The following RAP1A variants were observed in gnomAD, a reference collection of about 807,000 sequenced individuals.
RAP1A encodes ras-related protein Rap-1A.
Under a neutral mutation model 26.4 loss-of-function variants are expected in RAP1A, and 6 were observed. The observed-to-expected ratio is 0.23, with a 90% CI of 0.12 to 0.45. The LOEUF (loss-of-function observed/expected upper bound fraction) is 0.45. RAP1A is among the 20% of genes least tolerant of loss of function. The pLI, the probability that RAP1A is intolerant of heterozygous loss-of-function variation, is 0.99. For synonymous variants in RAP1A, 73 were observed against 79.4 expected, an observed-to-expected ratio of 0.92 and a Z score of 0.43; for missense variants, 121 against 217.2, an observed-to-expected ratio of 0.56 and a Z score of 2.78.
chr1:111,544,593 T>G (rs1656968790), intron 1 of RAP1A, among the ~76,000 whole-genome samples: 1 of 152,196 alleles, frequency 6.6e-6, no homozygotes, highest in African/African-American at 2.4e-5. Flanking sequence ...ATTTTGTTTA[T>G]CCCCTTATCA....
chr1:111,557,145 G>C (rs2101042649), intron 1 of RAP1A, among the ~76,000 whole-genome samples: 1 of 152,274 alleles, frequency 6.6e-6, no homozygotes, highest in South Asian at 2.1e-4. Context: ...ATGATATTTA[G>C]ACTGACAACT....
At chr1:111,619,653 G>T, upstream of RAP1A, 3 of 390,756 alleles carry the variant, frequency 7.7e-6, no homozygotes, top group Non-Finnish European at 1.4e-5. Context: ...CAGTGTGCGC[G>T]GCTCCTTTAA....
chr1:111,705,288 A>G (rs1041144850), intron 6 of RAP1A, among the ~76,000 whole-genome samples: 5 of 152,220 alleles, frequency 3.3e-5, no homozygotes, highest in East Asian at 1.9e-4. Flanking sequence ...CATTTGTAGC[A>G]TTACAGGTAA....
chr1:111,634,452 A>C (rs966588904), intron 1 of RAP1A, among the ~76,000 whole-genome samples: 1 of 151,204 alleles, frequency 6.6e-6, no homozygotes, highest in Non-Finnish European at 1.5e-5. Flanking sequence ...CATATGTAGA[A>C]TATAGGCTAA....
At chr1:111,603,652 G>C (rs914921630) in intron 1 of RAP1A, among the ~76,000 whole-genome samples, 2 of 152,188 alleles carry the variant, frequency 1.3e-5, no homozygotes, top group Non-Finnish European at 2.9e-5. Context: ...TTCGGGGCAT[G>C]ACCAGTTGTG....
chr1:111,695,450 C>T, intron 3 of RAP1A, 41 bp downstream of exon 3: 1 of 1,343,488 alleles, frequency 7.4e-7, no homozygotes, highest in Non-Finnish European at 1.0e-6. Context: ...ACAAGTAGTT[C>T]CTTATGATGT....
chr1:111,560,795 T>A (rs1379061217), intron 1 of RAP1A, among the ~76,000 whole-genome samples: 1 of 152,002 alleles, frequency 6.6e-6, no homozygotes, highest in East Asian at 1.9e-4. Context: ...CCTGGCTGGG[T>A]AAATAGTTCT....
intron 1 of RAP1A, among the ~76,000 whole-genome samples, chr1:111,675,507 C>T (rs1661101573): frequency 6.6e-6 from 1 of 152,078 alleles, no homozygotes; most frequent in Non-Finnish European, 1.5e-5. Context: ...CTGGAGTCTC[C>T]TCTGTTCGTC....
At chr1:111,670,487 A>C (rs532332544) in intron 1 of RAP1A, among the ~76,000 whole-genome samples, 9 of 152,252 alleles carry the variant, frequency 5.9e-5, no homozygotes, top group African/African-American at 2.2e-4. Context: ...ACTAACAAAC[A>C]AAAAAACCAA....
intron 1 of RAP1A, among the ~76,000 whole-genome samples, chr1:111,656,714 T>C (rs1212023609): frequency 6.6e-6 from 1 of 152,046 alleles, no homozygotes; most frequent in Non-Finnish European, 1.5e-5. Context: ...ATATACATGG[T>C]TCCCCCCCGC....
chr1:111,631,551 C>G (rs1371115528), intron 1 of RAP1A, among the ~76,000 whole-genome samples: 1 of 152,106 alleles, frequency 6.6e-6, no homozygotes, highest in Non-Finnish European at 1.5e-5. Flanking sequence ...ATTTACACAG[C>G]TCTAATTATA....
chr1:111,592,243 T>C (rs538353475), intron 1 of RAP1A, among the ~76,000 whole-genome samples: 62 of 152,304 alleles, frequency 4.1e-4, no homozygotes, highest in Non-Finnish European at 4.9e-4. Context: ...CTGCACATTC[T>C]TGGGGAGAAC....
intron 1 of RAP1A, among the ~76,000 whole-genome samples, chr1:111,585,917 C>G (rs1383562442): frequency 6.6e-6 from 1 of 152,224 alleles, no homozygotes; most frequent in Non-Finnish European, 1.5e-5. Context: ...TCACACCAGC[C>G]TCTCATGCTT....
At chr1:111,668,575 A>C (rs1035254430) in intron 1 of RAP1A, among the ~76,000 whole-genome samples, 2 of 152,204 alleles carry the variant, frequency 1.3e-5, no homozygotes, top group African/African-American at 4.8e-5. Context: ...ATGTAACTTG[A>C]CCAAGGTTAG....
intron 1 of RAP1A, among the ~76,000 whole-genome samples, chr1:111,584,613 T>C (rs1658325134): frequency 6.6e-6 from 1 of 152,098 alleles, no homozygotes; most frequent in African/African-American, 2.4e-5. Flanking sequence ...CATATGCATG[T>C]GGGGGGACAC....
chr1:111,597,651 A>T (rs1312501100), intron 1 of RAP1A, among the ~76,000 whole-genome samples: 1 of 152,270 alleles, frequency 6.6e-6, no homozygotes, highest in Non-Finnish European at 1.5e-5. Flanking sequence ...TGGGTTGAGC[A>T]ATGTGAGTAA....
chr1:111,549,792 G>A (rs1207846549), intron 1 of RAP1A, among the ~76,000 whole-genome samples: 1 of 152,060 alleles, frequency 6.6e-6, no homozygotes, highest in African/African-American at 2.4e-5. Context: ...AGAGCTACAG[G>A]TGCACACCAC....
intron 1 of RAP1A, chr1:111,648,730 G>A (rs1660160735): frequency 1.4e-5 from 8 of 591,520 alleles, no homozygotes; most frequent in South Asian, 1.0e-4. Flanking sequence ...TCAGCAGACT[G>A]CGTGGTGACC....
At chr1:111,573,805 G>T (rs916215308) in intron 1 of RAP1A, among the ~76,000 whole-genome samples, 21 of 150,688 alleles carry the variant, frequency 1.4e-4, no homozygotes, top group Non-Finnish European at 2.8e-4. Flanking sequence ...TTTTTTAATG[G>T]TTTTTTTTTC....
Sources: allele counts gnomAD v4.1 joint callset (sites outside exome capture counted in the v4.1 genomes callset), GRCh38; gene constraint gnomAD v4.1.1; transcripts MANE v1.5; gene names NCBI Gene and HGNC (gene_info 2026-07-23, HGNC 2026-07-21).